CDC42BPA: variants seen among roughly 807,000 people sequenced by gnomAD.
The protein encoded by CDC42BPA is serine/threonine-protein kinase MRCK alpha.
In CDC42BPA, 80 loss-of-function variants were observed where a neutral mutation model predicts 223.5. The observed-to-expected ratio is 0.36, with a 90% CI of 0.30 to 0.43. CDC42BPA has a LOEUF of 0.43. Among genes scored for constraint, CDC42BPA ranks in the 20% least tolerant of loss-of-function variants. The pLI is 1.00. For missense variants in CDC42BPA, 1,743 were observed against 2,099.9 expected, an observed-to-expected ratio of 0.83 and a Z score of 3.32; for synonymous variants, 694 against 718.6, an observed-to-expected ratio of 0.97 and a Z score of 0.55.
At chr1:227,036,228 A>G (rs1471053164) in intron 24 of CDC42BPA, among the ~76,000 whole-genome samples, 3 of 152,304 alleles carry the variant, frequency 2.0e-5, no homozygotes, top group South Asian at 4.1e-4. Context: ...ACTACATATC[A>G]CTGATGGATA....
At chr1:227,296,523 T>C (rs1690660767) in intron 1 of CDC42BPA, among the ~76,000 whole-genome samples, 1 of 152,008 alleles carries the variant, frequency 6.6e-6, no homozygotes, top group Non-Finnish European at 1.5e-5. Context: ...CTGGCCATAA[T>C]GGTGAAACCC....
intron 15 of CDC42BPA, 82 bp from the exon 16 acceptor site, chr1:227,092,073 T>C (rs1203668152): frequency 2.8e-6 from 2 of 723,820 alleles, no homozygotes; most frequent in Admixed American, 2.9e-5. Flanking sequence ...AATAGTTACA[T>C]AAAACACAAA....
At chr1:227,142,917 C>A in intron 9 of CDC42BPA, 28 bp downstream of exon 9, 1 of 1,503,392 alleles carries the variant, frequency 6.7e-7, no homozygotes, top group Non-Finnish European at 8.9e-7. Flanking sequence ...TGCACTTGGC[C>A]CAAACTATGT....
At chr1:227,096,015 TTA>T (rs1316780995) in intron 15 of CDC42BPA, among the ~76,000 whole-genome samples, 4 of 152,222 alleles carry the variant, frequency 2.6e-5, no homozygotes, top group African/African-American at 9.6e-5. Flanking sequence ...CTGGGTAATT[TTA>T]TATGATTGCT....
chr1:227,135,771 T>C (rs1196920169), intron 10 of CDC42BPA, among the ~76,000 whole-genome samples: 6 of 149,308 alleles, frequency 4.0e-5, no homozygotes, highest in African/African-American at 7.4e-5. Context: ...GGAGAATTGC[T>C]TGAACCTGGG....
rs368233125 is a variant in CDC42BPA at position 227,031,532 on chromosome 1, A to G, written c.3559-18T>C. ...GCTGTGACCTAGAACAATTTAATCA[A>G]TATTCATGATATTAGAAAACAGACA... On this transcript the variant is annotated intron_variant, in intron 27 of 36. Transcript: ENST00000366766. The G allele has an allele frequency of 1.3e-6, 2 of 1,586,108 alleles. No individual in the cohort carries two copies. The highest frequency in any genetic ancestry group is 1.7e-6 in the Non-Finnish European group (2 of 1,156,034).
At chr1:227,103,033 G>A (rs1025633739) in intron 14 of CDC42BPA, among the ~76,000 whole-genome samples, 4 of 151,860 alleles carry the variant, frequency 2.6e-5, no homozygotes, top group Admixed American at 6.6e-5. Flanking sequence ...TACTATTTAC[G>A]TGAAACATCA....
intron 14 of CDC42BPA, among the ~76,000 whole-genome samples, chr1:227,107,470 G>A (rs562718278): frequency 8.5e-5 from 13 of 152,256 alleles, no homozygotes; most frequent in South Asian, 6.2e-4. Flanking sequence ...ACCCAGGCTG[G>A]AATGCAGTGG....
At chr1:227,033,782 A>G (rs1277928748) in intron 26 of CDC42BPA, among the ~76,000 whole-genome samples, 2 of 152,118 alleles carry the variant, frequency 1.3e-5, no homozygotes, top group Non-Finnish European at 2.9e-5. Context: ...GTTATATTTT[A>G]TTGTTCCTTC....
chr1:227,306,663 A>C (rs1033036510), intron 1 of CDC42BPA, among the ~76,000 whole-genome samples: 1 of 152,204 alleles, frequency 6.6e-6, no homozygotes, highest in African/African-American at 2.4e-5. Flanking sequence ...ATGATATCAT[A>C]TGTCAGCTTC....
intron 2 of CDC42BPA, among the ~76,000 whole-genome samples, chr1:227,237,098 T>C (rs550431991): frequency 6.6e-6 from 1 of 151,632 alleles, no homozygotes; most frequent in South Asian, 2.1e-4. Context: ...CTATGTTGCT[T>C]CATGTCAGGT....
intron 1 of CDC42BPA, among the ~76,000 whole-genome samples, chr1:227,307,570 C>T (rs1275969097): frequency 6.6e-6 from 1 of 152,160 alleles, no homozygotes; most frequent in Non-Finnish European, 1.5e-5. Flanking sequence ...TGATAATGTG[C>T]TTTGTAATAT....
At chr1:227,213,980 A>C (rs906307942) in intron 2 of CDC42BPA, among the ~76,000 whole-genome samples, 1 of 152,148 alleles carries the variant, frequency 6.6e-6, no homozygotes, top group African/African-American at 2.4e-5. Context: ...TTAACCAGAT[A>C]ATCTGTAAGA....
At chr1:227,268,666 A>ATATATATG (rs1685459042) in intron 1 of CDC42BPA, among the ~76,000 whole-genome samples, 1 of 145,718 alleles carries the variant, frequency 6.9e-6, no homozygotes, top group African/African-American at 2.6e-5. Flanking sequence ...ATATATATAT[A>ATATATATG]CATATATATA....
At chr1:227,057,916 TGA>T (rs777563127) in intron 21 of CDC42BPA, among the ~76,000 whole-genome samples, 4 of 152,116 alleles carry the variant, frequency 2.6e-5, no homozygotes, top group Non-Finnish European at 5.9e-5. Flanking sequence ...CATAATAAAA[TGA>T]GAGAAACAAA....
At chr1:227,047,420 T>C (rs1672670597) in intron 23 of CDC42BPA, among the ~76,000 whole-genome samples, 7 of 152,304 alleles carry the variant, frequency 4.6e-5, no homozygotes, top group Admixed American at 3.9e-4. Flanking sequence ...TTGTGGTTTA[T>C]CCAAGGTTTA....
chr1:227,203,808 T>C (rs1315941972), intron 3 of CDC42BPA, among the ~76,000 whole-genome samples: 12 of 152,218 alleles, frequency 7.9e-5, no homozygotes, highest in African/African-American at 2.4e-4. Context: ...TAATGGACTA[T>C]TGGGATAAAC....
intron 21 of CDC42BPA, among the ~76,000 whole-genome samples, chr1:227,063,086 A>T (rs1232304939): frequency 1.3e-5 from 2 of 152,138 alleles, no homozygotes; most frequent in Non-Finnish European, 2.9e-5. Flanking sequence ...GAAATTGTCT[A>T]ATTTTTATGT....
chr1:227,190,645 C>T (rs904110388), intron 5 of CDC42BPA, among the ~76,000 whole-genome samples: 1 of 152,166 alleles, frequency 6.6e-6, no homozygotes, highest in African/African-American at 2.4e-5. Flanking sequence ...TTTTCAAAAG[C>T]CACAACTATA....
Sources: gnomAD v4.1 joint callset for allele counts (sites outside exome capture counted in the v4.1 genomes callset) on GRCh38, gnomAD v4.1.1 for gene constraint, MANE v1.5 for transcripts, NCBI Gene and HGNC (gene_info 2026-07-23, HGNC 2026-07-21) for gene names.